NR3C2: variants seen among roughly 807,000 people sequenced by gnomAD.
NR3C2 encodes the protein mineralocorticoid receptor.
NR3C2 carries 15 observed loss-of-function variants against 86.4 expected under a neutral mutation model. The ratio of observed to expected loss-of-function variants is 0.17; its 90% confidence interval spans 0.12 to 0.27. The LOEUF (loss-of-function observed/expected upper bound fraction) is 0.27. Ranked by LOEUF, NR3C2 falls within the 10% of genes least tolerant of loss-of-function variation. The probability of loss-of-function intolerance (pLI) is 1.00; values close to 1 mark genes in which losing one functional copy is unlikely to be tolerated. For missense variants in NR3C2, 960 were observed against 1,195.6 expected, an observed-to-expected ratio of 0.80 and a Z score of 2.91; for synonymous variants, 458 against 450.5, an observed-to-expected ratio of 1.02 and a Z score of -0.21.
chr4:148,228,280 T>TACACAC (rs61297657), intron 3 of NR3C2, among the ~76,000 whole-genome samples: 67 of 151,372 alleles, frequency 4.4e-4, no homozygotes, highest in East Asian at 1.2e-3. Flanking sequence ...GCATTATTTA[T>TACACAC]ACACACACAC....
chr4:148,176,046 T>C (rs565115364), intron 4 of NR3C2, among the ~76,000 whole-genome samples: 38 of 152,322 alleles, frequency 2.5e-4, no homozygotes, highest in African/African-American at 8.4e-4. Flanking sequence ...TAGCAGTTGC[T>C]GACCATCAGA....
chr4:148,143,519 C>A (rs1560943969), intron 6 of NR3C2, among the ~76,000 whole-genome samples: 1 of 152,170 alleles, frequency 6.6e-6, no homozygotes, highest in South Asian at 2.1e-4. Context: ...ATTCCTGCTG[C>A]CTAGAACAGT....
At chr4:148,417,368 C>T (rs1579274269) in intron 2 of NR3C2, among the ~76,000 whole-genome samples, 2 of 152,196 alleles carry the variant, frequency 1.3e-5, no homozygotes, top group East Asian at 3.9e-4. Context: ...CTTCTCTATC[C>T]AAGAGTCAGA....
intron 2 of NR3C2, among the ~76,000 whole-genome samples, chr4:148,406,741 T>C (rs75489778): frequency 0.018 from 2,690 of 152,264 alleles, 82 homozygotes; most frequent in African/African-American, 0.061. Context: ...AGTTTTCAAA[T>C]ACTAAACTCT....
At chr4:148,431,117 T>C (rs758407856) in intron 2 of NR3C2, among the ~76,000 whole-genome samples, 5 of 152,146 alleles carry the variant, frequency 3.3e-5, no homozygotes, top group African/African-American at 9.7e-5. Flanking sequence ...AGGAATTGTA[T>C]AAATAAGAAG....
chr4:148,143,878 C>T (rs1225461313), intron 6 of NR3C2, among the ~76,000 whole-genome samples: 6 of 128,610 alleles, frequency 4.7e-5, no homozygotes, highest in African/African-American at 1.8e-4. Flanking sequence ...ACCCGGGAGG[C>T]GGAGTTTGCG....
In NR3C2 at chr4:148,357,675, G is replaced by C. The variant is rs1227286394; in HGVS notation, c.1757+77429C>G. On this transcript the variant is annotated intron_variant, in intron 2 of 8. Transcript: ENST00000358102. ...ACATACAACAAAGCCTCCACCAAAG[G>C]CTCTTCATTTAACATTAATTATTTC... 4.6e-5 allele frequency among the ~76,000 whole-genome samples: 7 copies of C among 151,872 alleles called. No individual in the cohort carries two copies. The East Asian group carries it at 1.4e-3, about 29-fold the overall frequency.
chr4:148,320,479 G>A (rs1474819884), intron 2 of NR3C2, among the ~76,000 whole-genome samples: 4 of 135,444 alleles, frequency 3.0e-5, no homozygotes, highest in African/African-American at 1.2e-4. Flanking sequence ...ACCTCTGGTA[G>A]AATTCGGCTG....
At chr4:148,189,930 C>G (rs1736117534) in intron 4 of NR3C2, among the ~76,000 whole-genome samples, 1 of 152,114 alleles carries the variant, frequency 6.6e-6, no homozygotes, top group Non-Finnish European at 1.5e-5. Context: ...TTTCTCTCTT[C>G]TTTTCTTGGT....
At chr4:148,142,696 A>C (rs538601592) in intron 6 of NR3C2, among the ~76,000 whole-genome samples, 1 of 152,104 alleles carries the variant, frequency 6.6e-6, no homozygotes, top group Non-Finnish European at 1.5e-5. Context: ...GGGTTTCACC[A>C]TGTTACCCAG....
chr4:148,260,194 T>C (rs1740027088), intron 2 of NR3C2, 77 bp from the exon 3 acceptor site: 2 of 1,577,220 alleles, frequency 1.3e-6, no homozygotes, highest in East Asian at 2.3e-5. Flanking sequence ...AGCTCAAAAT[T>C]TGTCAATAAT....
At chr4:148,287,579 T>G (rs56261324) in intron 2 of NR3C2, among the ~76,000 whole-genome samples, 4,483 of 152,280 alleles carry the variant, frequency 0.029, 202 homozygotes, top group African/African-American at 0.099. Flanking sequence ...TATAAATTAC[T>G]ATACTTAAAA....
intron 2 of NR3C2, among the ~76,000 whole-genome samples, chr4:148,292,213 A>C (rs1741830177): frequency 6.6e-6 from 1 of 151,816 alleles, no homozygotes; most frequent in Non-Finnish European, 1.5e-5. Flanking sequence ...ATACTTGACT[A>C]CCACTACCTC....
intron 2 of NR3C2, among the ~76,000 whole-genome samples, chr4:148,421,204 T>C (rs1579278930): frequency 6.6e-6 from 1 of 152,170 alleles, no homozygotes; most frequent in East Asian, 1.9e-4. Flanking sequence ...TACATAAAAT[T>C]TGCCATATTC....
intron 4 of NR3C2, among the ~76,000 whole-genome samples, chr4:148,169,840 A>T (rs946848868): frequency 6.6e-6 from 1 of 152,252 alleles, no homozygotes; most frequent in Admixed American, 6.5e-5. Flanking sequence ...CAGAGTATCT[A>T]CAAGTGGAGG....
chr4:148,092,983 T>C lies in NR3C2; in HGVS notation c.2800-11484A>G, dbSNP rs534795322. Among the ~76,000 whole-genome samples the C allele has an allele frequency of 1.7e-3, 262 of 152,322 alleles. 4 individuals carry two copies. The South Asian group carries it at 0.019, about 11-fold the overall frequency. ...CTTTCCTGGTAGATCCCAGGCTAGA[T>C]GGAGAGGCAAGAACCCTAATTACAA... On this transcript the variant is annotated intron_variant, in intron 8 of 8. Transcript: ENST00000358102.
At chr4:148,379,382 G>A (rs545210240) in intron 2 of NR3C2, among the ~76,000 whole-genome samples, 9 of 152,100 alleles carry the variant, frequency 5.9e-5, no homozygotes, top group Admixed American at 5.9e-4. Flanking sequence ...AAACCATGAT[G>A]TGCAAATGGT....
intron 6 of NR3C2, among the ~76,000 whole-genome samples, chr4:148,121,280 G>C (rs910110308): frequency 6.6e-6 from 1 of 152,088 alleles, no homozygotes; most frequent in East Asian, 1.9e-4. Context: ...GGATTCTGGG[G>C]CTCCCCTCAA....
At chr4:148,146,939 A>G (rs72653808) in intron 6 of NR3C2, among the ~76,000 whole-genome samples, 2,696 of 152,318 alleles carry the variant, frequency 0.018, 88 homozygotes, top group African/African-American at 0.062. Context: ...ATCTTATAAA[A>G]AAAGAAAAAA....
Sources: gnomAD v4.1 joint callset for allele counts (sites outside exome capture counted in the v4.1 genomes callset) on GRCh38, gnomAD v4.1.1 for gene constraint, MANE v1.5 for transcripts, NCBI Gene and HGNC (gene_info 2026-07-23, HGNC 2026-07-21) for gene names.